The following TBCK variants were observed in gnomAD, a reference collection of about 807,000 sequenced individuals.
TBCK encodes the protein TBC1 domain containing kinase, also known as TBC domain-containing protein kinase-like protein.
A neutral mutation model predicts 113.4 loss-of-function variants in TBCK; 99 were observed. The observed-to-expected ratio is 0.87, with a 90% confidence interval of 0.74 to 1.03. TBCK has a LOEUF of 1.03. Among genes scored for constraint, TBCK ranks in the 50% least tolerant of loss-of-function variants. The pLI, the probability that TBCK is intolerant of heterozygous loss-of-function variation, is 0.00. For synonymous variants in TBCK, 369 were observed against 370.8 expected, an observed-to-expected ratio of 1.00 and a Z score of 0.05; for missense variants, 1,045 against 1,061.3, an observed-to-expected ratio of 0.98 and a Z score of 0.21.
chr4:106,280,334 C>A (rs1764460252), intron 3 of TBCK, among the ~76,000 whole-genome samples: 1 of 151,888 alleles, frequency 6.6e-6, no homozygotes, highest in African/African-American at 2.4e-5. Context: ...AGTTATTAGC[C>A]CCTTGTCAGA....
At chr4:106,176,405 T>C (rs549793727) in intron 22 of TBCK, among the ~76,000 whole-genome samples, 1 of 152,174 alleles carries the variant, frequency 6.6e-6, no homozygotes, top group Admixed American at 6.5e-5. Flanking sequence ...CAAGTATGAG[T>C]TAGAATATGT....
chr4:106,064,227 CA>C (rs1187472229), intron 25 of TBCK, among the ~76,000 whole-genome samples: 1 of 151,804 alleles, frequency 6.6e-6, no homozygotes, highest in Non-Finnish European at 1.5e-5. Context: ...TGAATCTGAT[CA>C]TTTTTATTTA....
chr4:106,221,632 C>T (rs867904519), intron 19 of TBCK, among the ~76,000 whole-genome samples: 135 of 151,404 alleles, frequency 8.9e-4, no homozygotes, highest in Non-Finnish European at 1.1e-3. Context: ...AAATATATGC[C>T]TTTTGATTTG....
intron 23 of TBCK, among the ~76,000 whole-genome samples, chr4:106,169,532 A>T (rs2149732469): frequency 6.6e-6 from 1 of 152,210 alleles, no homozygotes; most frequent in East Asian, 1.9e-4. Context: ...TTGTATTTAG[A>T]ACTGCTGAAT....
chr4:106,105,401 G>A (rs1241582395), intron 24 of TBCK, among the ~76,000 whole-genome samples: 1 of 152,210 alleles, frequency 6.6e-6, no homozygotes, highest in Non-Finnish European at 1.5e-5. Context: ...CCTCTAAGCT[G>A]GGGAAGGAAT....
intron 3 of TBCK, among the ~76,000 whole-genome samples, chr4:106,283,782 C>T (rs1764856545): frequency 6.6e-6 from 1 of 151,940 alleles, no homozygotes; most frequent in Non-Finnish European, 1.5e-5. Context: ...AATGGAGAAC[C>T]TCCAAGTGTT....
intron 24 of TBCK, among the ~76,000 whole-genome samples, chr4:106,111,418 C>G (rs539111810): frequency 6.6e-6 from 1 of 152,310 alleles, no homozygotes; most frequent in Non-Finnish European, 1.5e-5. Flanking sequence ...TGCTCTTATA[C>G]TATTCCCCTT....
chr4:106,227,124 G>T (rs1395273681), intron 19 of TBCK, among the ~76,000 whole-genome samples: 2 of 151,974 alleles, frequency 1.3e-5, no homozygotes, highest in Non-Finnish European at 2.9e-5. Flanking sequence ...AATGTGCAAA[G>T]AATTGGACAC....
At chr4:106,217,262 T>C (rs1757061327) in intron 19 of TBCK, among the ~76,000 whole-genome samples, 1 of 152,104 alleles carries the variant, frequency 6.6e-6, no homozygotes, top group Admixed American at 6.5e-5. Context: ...GCCAATATCA[T>C]ACTGAATGGG....
chr4:106,198,824 C>T (rs1754551259), intron 20 of TBCK, among the ~76,000 whole-genome samples: 2 of 152,048 alleles, frequency 1.3e-5, no homozygotes, highest in Admixed American at 6.6e-5. Context: ...AAGAGTCAGA[C>T]ATACGAACAG....
chr4:106,107,167 G>A (rs959626625), intron 24 of TBCK, among the ~76,000 whole-genome samples: 13 of 152,026 alleles, frequency 8.6e-5, no homozygotes, highest in African/African-American at 1.9e-4. Flanking sequence ...AAGAGACATC[G>A]ACTCCCACAC....
chr4:106,068,713 G>C (rs1233075697), intron 25 of TBCK, among the ~76,000 whole-genome samples: 1 of 152,124 alleles, frequency 6.6e-6, no homozygotes, highest in Non-Finnish European at 1.5e-5. Flanking sequence ...AGATCCTTGA[G>C]GAATCGCCAC....
chr4:106,257,626 G>A lies in TBCK; in HGVS notation c.455+2811C>T, dbSNP rs182851889. Among the ~76,000 whole-genome samples the A allele has an allele frequency of 1.2e-3, 188 of 151,984 alleles. 1 individual carries two copies. Among genetic ancestry groups the A allele is most frequent in the African/African-American group, 4.2e-3 (173 of 41,488 alleles). On this transcript the variant is annotated intron_variant, in intron 5 of 25. Transcript: ENST00000394708. ...ATGTATTTCTCTCATATACAAATTC[G>A]TATTGTGTTATTTTACCCTAAGATG...
chr4:106,054,208 C>T (rs1204143389), intron 25 of TBCK, among the ~76,000 whole-genome samples: 1 of 147,630 alleles, frequency 6.8e-6, no homozygotes, highest in East Asian at 1.9e-4. Context: ...AATTTCCCAA[C>T]TCCCCAACTC....
rs181535620 is a variant in TBCK at position 106,094,379 on chromosome 4, G to A, written c.2571+1103C>T. Among the ~76,000 whole-genome samples, 46 of 152,170 alleles carry A rather than the reference G, an allele frequency of 3.0e-4. No individual in the cohort carries two copies. The East Asian group carries it at 8.3e-3, about 27-fold the overall frequency. On this transcript the variant is annotated intron_variant, in intron 25 of 25. Coordinates refer to ENST00000394708, the MANE Select transcript of TBCK (RefSeq NM_001163435.3). ...AGAAGTGTTTTTTGCCTCCCAGGTGGTAAAATCATGCATACTTTTTATTTC... is the reference window on the plus strand; with the variant it reads ...AGAAGTGTTTTTTGCCTCCCAGGTGATAAAATCATGCATACTTTTTATTTC...
Position 106,113,525 on chromosome 4 carries a change from T to C in TBCK, c.2411+2678A>G, listed in dbSNP as rs187933757. Among the ~76,000 whole-genome samples the C allele has an allele frequency of 5.0e-4, 76 of 152,274 alleles. No individual in the cohort carries two copies. The East Asian group carries it at 0.012, about 24-fold the overall frequency. On this transcript the variant is annotated intron_variant, in intron 24 of 25. Coordinates refer to ENST00000394708, the MANE Select transcript of TBCK (RefSeq NM_001163435.3). Reference sequence around the variant, plus strand: ...AATTGTTAACATGTGGGAGAGGATATGCTTGTGTTCACACCCCCTCAGGTC... The same window carrying C: ...AATTGTTAACATGTGGGAGAGGATACGCTTGTGTTCACACCCCCTCAGGTC...
At chr4:106,066,614 C>A (rs539884509) in intron 25 of TBCK, among the ~76,000 whole-genome samples, 15 of 152,080 alleles carry the variant, frequency 9.9e-5, no homozygotes, top group African/African-American at 3.6e-4. Flanking sequence ...ACAACCATCA[C>A]CACTAGTTAT....
chr4:106,144,342 AG>A (rs1268293842), intron 23 of TBCK, among the ~76,000 whole-genome samples: 1 of 152,188 alleles, frequency 6.6e-6, no homozygotes, highest in African/African-American at 2.4e-5. Context: ...GCACAGTTGT[AG>A]GGGGCATGGC....
chr4:106,122,338 C>T (rs942616864), intron 23 of TBCK, among the ~76,000 whole-genome samples: 1 of 152,152 alleles, frequency 6.6e-6, no homozygotes, highest in African/African-American at 2.4e-5. Flanking sequence ...GAAGTTGAAT[C>T]TCTGAATAGA....
Sources: gnomAD v4.1 joint callset for allele counts (sites outside exome capture counted in the v4.1 genomes callset) on GRCh38, gnomAD v4.1.1 for gene constraint, MANE v1.5 for transcripts, NCBI Gene and HGNC (gene_info 2026-07-23, HGNC 2026-07-21) for gene names.